Variants in GPC5 observed in about 807,000 individuals in gnomAD.
GPC5 encodes the protein glypican 5, also known as glypican-5.
Under a neutral mutation model 53.9 loss-of-function variants are expected in GPC5, and 47 were observed. That is an observed-to-expected ratio of 0.87 (90% CI 0.69 to 1.11). The LOEUF is 1.11. GPC5 is among the 50% of genes most tolerant of loss of function. The pLI, the probability that GPC5 is intolerant of heterozygous loss-of-function variation, is 0.00. For missense variants in GPC5, 748 were observed against 713.1 expected, an observed-to-expected ratio of 1.05 and a Z score of -0.56; for synonymous variants, 286 against 263.3, an observed-to-expected ratio of 1.09 and a Z score of -0.84.
At chr13:92,843,415 T>C (rs1444460014) in intron 7 of GPC5, among the ~76,000 whole-genome samples, 1 of 152,190 alleles carries the variant, frequency 6.6e-6, no homozygotes, top group African/African-American at 2.4e-5. Flanking sequence ...CTGTGCCCAA[T>C]GCCAGCAATA....
intron 6 of GPC5, among the ~76,000 whole-genome samples, chr13:91,980,348 C>A (rs975269007): frequency 1.3e-5 from 2 of 152,090 alleles, no homozygotes; most frequent in Admixed American, 1.3e-4. Flanking sequence ...AATTCAACTT[C>A]TTTTTATTGA....
intron 2 of GPC5, among the ~76,000 whole-genome samples, chr13:91,522,800 A>G (rs1360162312): frequency 6.6e-6 from 1 of 152,184 alleles, no homozygotes; most frequent in Non-Finnish European, 1.5e-5. Flanking sequence ...TTTGCTGAGA[A>G]TGATGGTTTC....
chr13:92,387,103 A>G (rs567101698), intron 7 of GPC5, among the ~76,000 whole-genome samples: 4 of 152,200 alleles, frequency 2.6e-5, no homozygotes, highest in African/African-American at 7.2e-5. Flanking sequence ...CCCCAACTTG[A>G]GATGGTTTGA....
intron 7 of GPC5, among the ~76,000 whole-genome samples, chr13:92,445,360 A>G (rs1877767012): frequency 6.7e-6 from 1 of 149,176 alleles, no homozygotes; most frequent in African/African-American, 2.5e-5. Flanking sequence ...ACATGTGCAC[A>G]TTGTGCAGGT....
chr13:92,455,579 G>T (rs1878232235), intron 7 of GPC5, among the ~76,000 whole-genome samples: 1 of 152,060 alleles, frequency 6.6e-6, no homozygotes, highest in Non-Finnish European at 1.5e-5. Flanking sequence ...TAAGACATAG[G>T]AAAGATGACA....
chr13:92,750,595 G>A (rs867190131), intron 7 of GPC5, among the ~76,000 whole-genome samples: 46 of 152,106 alleles, frequency 3.0e-4, no homozygotes, highest in African/African-American at 6.5e-4. Context: ...ATTATCTCCC[G>A]TCTGTACTTC....
intron 7 of GPC5, among the ~76,000 whole-genome samples, chr13:92,775,380 C>G (rs1875765832): frequency 6.6e-6 from 1 of 152,190 alleles, no homozygotes; most frequent in African/African-American, 2.4e-5. Context: ...TGTAGCACAA[C>G]TCTTTGCACC....
chr13:92,013,585 C>A (rs540891418), intron 6 of GPC5, among the ~76,000 whole-genome samples: 116 of 152,154 alleles, frequency 7.6e-4, no homozygotes, highest in Non-Finnish European at 1.1e-3. Context: ...CAGGAATAGA[C>A]ATTCTCGCTT....
intron 7 of GPC5, among the ~76,000 whole-genome samples, chr13:92,249,960 A>G (rs1044029048): frequency 6.6e-6 from 1 of 152,146 alleles, no homozygotes; most frequent in African/African-American, 2.4e-5. Flanking sequence ...CATATTTTAT[A>G]TAATTGCATA....
chr13:92,722,581 A>T (rs1380571057), intron 7 of GPC5, among the ~76,000 whole-genome samples: 1 of 151,920 alleles, frequency 6.6e-6, no homozygotes, highest in African/African-American at 2.4e-5. Flanking sequence ...ACCCTTAAAC[A>T]GACTGCCACC....
intron 7 of GPC5, among the ~76,000 whole-genome samples, chr13:92,174,132 T>G (rs145425416): frequency 6.6e-6 from 1 of 151,804 alleles, no homozygotes; most frequent in African/African-American, 2.4e-5. Flanking sequence ...AAAGACATCT[T>G]TGGATATTCT....
rs1385222447 is a variant in GPC5, at chr13:91,451,424, A to G, written c.325+2502A>G. On this transcript the variant is annotated intron_variant, in intron 2 of 7. Transcript: ENST00000377067. The stretch of plus-strand genomic sequence containing the variant: ...GATCACTTGGGTCTGGGGATTTAGC[A>G]GAGGGCACACTATTGTTAGATGAAG... Among the ~76,000 whole-genome samples the G allele has an allele frequency of 5.9e-5, 9 of 152,226 alleles. No homozygotes were observed. The East Asian group carries it at 1.7e-3, about 30-fold the overall frequency.
At chr13:91,549,520 G>A (rs960580119) in intron 2 of GPC5, among the ~76,000 whole-genome samples, 3 of 152,044 alleles carry the variant, frequency 2.0e-5, no homozygotes, top group Non-Finnish European at 2.9e-5. Flanking sequence ...TCTGATAAAG[G>A]ACTGTTATCC....
intron 7 of GPC5, among the ~76,000 whole-genome samples, chr13:92,764,492 G>A (rs1323162584): frequency 6.6e-6 from 1 of 152,200 alleles, no homozygotes. Flanking sequence ...CAGTCCCTAT[G>A]AAAACTGCAG....
intron 2 of GPC5, 37 bp from the exon 3 acceptor site, chr13:91,693,150 T>A: frequency 2.0e-6 from 3 of 1,474,882 alleles, no homozygotes; most frequent in South Asian, 1.2e-5. Flanking sequence ...GCATGAATAC[T>A]AAACCTTCTC....
chr13:91,981,758 G>T (rs569556259), intron 6 of GPC5, among the ~76,000 whole-genome samples: 90 of 152,302 alleles, frequency 5.9e-4, no homozygotes, highest in African/African-American at 2.1e-3. Context: ...TAACCAAGAT[G>T]TTAATAATAA....
At chr13:92,670,717 T>A (rs1342572207) in intron 7 of GPC5, among the ~76,000 whole-genome samples, 1 of 152,158 alleles carries the variant, frequency 6.6e-6, no homozygotes, top group Non-Finnish European at 1.5e-5. Flanking sequence ...TAAGAAGATA[T>A]CAGCCTGTTC....
intron 7 of GPC5, among the ~76,000 whole-genome samples, chr13:92,850,006 C>G (rs1488323346): frequency 6.6e-6 from 1 of 152,194 alleles, no homozygotes; most frequent in East Asian, 1.9e-4. Flanking sequence ...GACAAAGATT[C>G]AGTGGCAAGA....
intron 2 of GPC5, among the ~76,000 whole-genome samples, chr13:91,663,448 T>C (rs72643226): frequency 0.16 from 24,482 of 152,038 alleles, 2,173 homozygotes; most frequent in East Asian, 0.28. Flanking sequence ...AATTTGAAAC[T>C]GATTTTGTTT....
Sources: allele counts gnomAD v4.1 joint callset (sites outside exome capture counted in the v4.1 genomes callset), GRCh38; gene constraint gnomAD v4.1.1; transcripts MANE v1.5; gene names NCBI Gene and HGNC (gene_info 2026-07-23, HGNC 2026-07-21).